GSDMB: variants seen among roughly 807,000 people sequenced by gnomAD.
The protein encoded by GSDMB is gasdermin B, also known as gasdermin-B.
GSDMB carries 32 observed loss-of-function variants against 42.9 expected under a neutral mutation model. That is an observed-to-expected ratio of 0.75 (90% CI 0.56 to 1.00). The LOEUF (loss-of-function observed/expected upper bound fraction) is 1.00, where lower values mean the gene tolerates loss of function less well. Ranked by LOEUF, GSDMB falls within the 50% of genes least tolerant of loss-of-function variation. GSDMB has a pLI of 0.00. For synonymous variants in GSDMB, 175 were observed against 193.7 expected, an observed-to-expected ratio of 0.90 and a Z score of 0.80; for missense variants, 468 against 498.5, an observed-to-expected ratio of 0.94 and a Z score of 0.58.
rs766961609 is a variant in GSDMB, at chr17:39,909,782, G to A, written c.550C>T (p.Gln184Ter). ...TTGTGTTTATAGCTGAGATGGCCCTGAGAGATCTGGCTCCAAAATTTATAT... is the reference window on the plus strand; with the variant it reads ...TTGTGTTTATAGCTGAGATGGCCCTAAGAGATCTGGCTCCAAAATTTATAT... ...RQYKFWSQIS[Q>*]GHLSYKHKGQ... The change falls in exon 4 of 11, where the codon CAG (glutamine) becomes TAG (stop). Residue 184 changes from glutamine (Q) to a stop codon, truncating the protein, a stop_gained. Transcript: ENST00000418519. LOFTEE classifies it high-confidence loss of function. The A allele has an allele frequency of 2.5e-6, 4 of 1,613,980 alleles. No homozygotes were observed. Among genetic ancestry groups the A allele is most frequent in the African/African-American group, 1.3e-5 (1 of 74,946 alleles).
In GSDMB at chr17:39,906,999, G is replaced by C. The variant is rs772611059; in HGVS notation, c.701-12C>G. The C allele has an allele frequency of 1.4e-5, 23 of 1,613,824 alleles. No individual in the cohort carries two copies. In the East Asian group the frequency reaches 3.1e-4, roughly 22 times the overall value. On this transcript the variant is annotated splice_polypyrimidine_tract_variant and intron_variant, in intron 6 of 10. Coordinates refer to ENST00000418519, the MANE Select transcript of GSDMB (RefSeq NM_001165958.2). The stretch of plus-strand genomic sequence containing the variant: ...AGCACCATCCTTCTCTGCAGAGAGA[G>C]GAAGAGTTATTTCAGAATCTTCAGA...
chr17:39,908,622 C>T (rs76107801), intron 5 of GSDMB, among the ~76,000 whole-genome samples: 3 of 152,148 alleles, frequency 2.0e-5, no homozygotes, highest in Non-Finnish European at 2.9e-5. Context: ...TCAGGTGATC[C>T]GCCCACCTTG....
In GSDMB at chr17:39,909,816, G is replaced by C. The variant is rs143933205; in HGVS notation, c.516C>G (p.Ser172Arg). 2 of 1,613,928 alleles carry C rather than the reference G, an allele frequency of 1.2e-6. No homozygotes were observed. The highest frequency in any genetic ancestry group is 1.7e-6 in the Non-Finnish European group (2 of 1,179,910). The change falls in exon 4 of 11, where the codon AGC becomes AGG. Residue 172 changes from serine (S) to arginine (R), a missense_variant. By Grantham distance (110) the Ser-to-Arg change is moderately radical. Transcript: ENST00000418519. ...LETVKEETLKSDRQYKFWSQI... is the reference protein window; with the variant it reads ...LETVKEETLKRDRQYKFWSQI... ...GGCTCCAAAATTTATATTGCCGGTC[G>C]CTTTTCAGGGTTTCCTCCTTTACCG...
chr17:39,907,184 G>A, intron 6 of GSDMB, 197 bp from the exon 7 acceptor site: 2 of 1,417,386 alleles, frequency 1.4e-6, no homozygotes, highest in Non-Finnish European at 1.8e-6. Flanking sequence ...CTCAAAAACA[G>A]GCAGTCATAG....
chr17:39,917,714 T>C (rs923876340), intron 1 of GSDMB: 4 of 234,910 alleles, frequency 1.7e-5, no homozygotes, highest in Admixed American at 1.5e-4. Context: ...CTAATGATAA[T>C]GCCACCACCC....
At chr17:39,912,042 C>T (rs1430310293) in intron 3 of GSDMB, among the ~76,000 whole-genome samples, 1 of 151,390 alleles carries the variant, frequency 6.6e-6, no homozygotes, top group Non-Finnish European at 1.5e-5. Context: ...GAATTGGGGG[C>T]ATCAGAAGGC....
At chr17:39,906,030 C>G in intron 8 of GSDMB, 45 bp from the exon 9 acceptor site, 1 of 1,610,336 alleles carries the variant, frequency 6.2e-7, no homozygotes, top group Non-Finnish European at 8.5e-7. Flanking sequence ...CTCACCATAG[C>G]AGATTATCCT....
Position 39,909,878 on chromosome 17 carries a change from T to C in GSDMB, c.454A>G (p.Arg152Gly), listed in dbSNP as rs1386040531. 6.2e-7 allele frequency: 1 copy of C among 1,613,612 alleles called. No homozygotes were observed. The highest frequency in any genetic ancestry group is 2.2e-5 in the East Asian group (1 of 44,886). The change falls in exon 4 of 11, where the codon AGA (arginine) becomes GGA (glycine). Residue 152 changes from arginine (R) to glycine (G), a missense_variant. Coordinates refer to ENST00000418519, the MANE Select transcript of GSDMB (RefSeq NM_001165958.2). The stretch of plus-strand genomic sequence containing the variant: ...TCTGTCACCAGATACAGGTTTTCTC[T>C]CGTATTAATTGATCGGAATGAAAAG... ...LPFSFRSINT[R>G]ENLYLVTETL...
Position 39,917,158 on chromosome 17 carries a change from T to C in GSDMB, c.159A>G (p.Thr53=), listed in dbSNP as rs748765091. The C allele has an allele frequency of 1.9e-6, 3 of 1,614,164 alleles. No individual in the cohort carries two copies. The highest frequency in any genetic ancestry group is 1.7e-6 in the Non-Finnish European group (2 of 1,180,012). Residue 53 remains threonine (T), a synonymous_variant, in exon 2 of 11, where the codon ACA becomes ACG. Coordinates refer to ENST00000418519, the MANE Select transcript of GSDMB (RefSeq NM_001165958.2). ...GAATGTCCATCAGGGTGAGGCCTGT[T>C]GTGTAGTGCCGGCATCCAAAGAAAG... The part of the protein sequence containing the change: ...KRTFFGCRHY[T]TGLTLMDILD...
intron 7 of GSDMB, chr17:39,906,739 T>C: frequency 7.7e-7 from 1 of 1,303,196 alleles, no homozygotes; most frequent in East Asian, 2.7e-5. Context: ...CAGTCGTCAC[T>C]AGTTTTAAAG....
intron 2 of GSDMB, among the ~76,000 whole-genome samples, chr17:39,914,787 T>C (rs2063677431): frequency 6.7e-6 from 1 of 148,544 alleles, no homozygotes; most frequent in Non-Finnish European, 1.5e-5. Context: ...AAAGTTAATG[T>C]GAATAAAGTA....
chr17:39,905,583 C>A, intron 9 of GSDMB, 87 bp from the exon 10 acceptor site: 1 of 1,135,698 alleles, frequency 8.8e-7, no homozygotes, highest in Non-Finnish European at 1.3e-6. Context: ...CATGTATCAT[C>A]AAAAGGTTCC....
chr17:39,906,543 TG>T, intron 7 of GSDMB: 4 of 1,359,976 alleles, frequency 2.9e-6, no homozygotes, highest in Non-Finnish European at 3.8e-6. Context: ...AACAAAAACT[TG>T]GTTATTTGGC....
intron 6 of GSDMB, 110 bp from the exon 7 acceptor site, chr17:39,907,097 G>A (rs1415399197): frequency 8.3e-6 from 13 of 1,559,972 alleles, no homozygotes; most frequent in Non-Finnish European, 9.5e-6. Context: ...AGCCCTCACT[G>A]CTGGTGCCAG....
chr17:39,906,749 G>A (rs2063511900), intron 7 of GSDMB: 2 of 1,334,764 alleles, frequency 1.5e-6, no homozygotes, highest in Non-Finnish European at 1.9e-6. Flanking sequence ...TAGTTTTAAA[G>A]TTTCCTGGTG....
At chr17:39,909,152 A>G in intron 4 of GSDMB, 110 bp from the exon 5 acceptor site, 1 of 666,056 alleles carries the variant, frequency 1.5e-6, no homozygotes, top group East Asian at 2.9e-5. Flanking sequence ...CATTTTATAG[A>G]CGAGAAAACT....
intron 3 of GSDMB, among the ~76,000 whole-genome samples, chr17:39,911,931 G>A (rs533970591): frequency 4.8e-4 from 72 of 150,878 alleles, no homozygotes; most frequent in African/African-American, 1.6e-3. Context: ...GCGAGACTCC[G>A]TCTCAAAAAA....
Position 39,909,051 on chromosome 17 carries a change from A to G in GSDMB, c.577-9T>C. 2.6e-6 allele frequency: 4 copies of G among 1,561,178 alleles called. No homozygotes were observed. In the African/African-American group the frequency reaches 4.1e-5, roughly 16 times the overall value. On this transcript the variant is annotated splice_polypyrimidine_tract_variant and intron_variant, in intron 4 of 10. Transcript: ENST00000418519. ...GTCACTTCCCTTTGGCCCTAGAAAA[A>G]GGAGCTCACATTGACGGATCCCCAG...
In GSDMB at chr17:39,906,211, C is replaced by A. The variant is rs1273349082; in HGVS notation, c.788G>T (p.Ser263Ile). Residue 263 changes from serine to isoleucine, a missense_variant, in exon 8 of 11, where the codon AGT becomes ATT. By Grantham distance (142) the Ser-to-Ile change is moderately radical (BLOSUM62 -2). Coordinates refer to ENST00000418519, the MANE Select transcript of GSDMB (RefSeq NM_001165958.2). The stretch of plus-strand genomic sequence containing the variant: ...CTCCTCTGTCAGGTCCTTGAGGACA[C>A]TCTCCATGTCCTCCAACTTCTCCTT... Reference protein sequence around the residue: ...NMKEKLEDMESVLKDLTEEKR... With the variant: ...NMKEKLEDMEIVLKDLTEEKR... 1 of 1,612,546 alleles carries A rather than the reference C, an allele frequency of 6.2e-7. No individual in the cohort carries two copies. Among genetic ancestry groups the A allele is most frequent in the African/African-American group, 1.3e-5 (1 of 75,016 alleles).
Sources: allele counts gnomAD v4.1 joint callset (sites outside exome capture counted in the v4.1 genomes callset), GRCh38; gene constraint gnomAD v4.1.1; transcripts MANE v1.5; gene names NCBI Gene and HGNC (gene_info 2026-07-23, HGNC 2026-07-21).